Variants in SGMS1 observed in about 807,000 individuals in gnomAD.
SGMS1 encodes the protein phosphatidylcholine:ceramide cholinephosphotransferase 1.
SGMS1 carries 13 observed loss-of-function variants against 46.2 expected under a neutral mutation model. That is an observed-to-expected ratio of 0.28 (90% CI 0.18 to 0.45). The LOEUF is 0.45. Among genes scored for constraint, SGMS1 ranks in the 20% least tolerant of loss-of-function variants. The probability of loss-of-function intolerance (pLI) is 1.00; values close to 1 mark genes in which losing one functional copy is unlikely to be tolerated. For missense variants in SGMS1, 324 were observed against 519.9 expected (o/e 0.62, Z 3.66); for synonymous variants, 203 against 187.8 (o/e 1.08, Z -0.66).
intron 2 of SGMS1, among the ~76,000 whole-genome samples, chr10:50,564,284 A>G (rs923114125): frequency 2.0e-5 from 3 of 152,188 alleles, no homozygotes; most frequent in African/African-American, 7.2e-5. Context: ...GAATGGGCAG[A>G]GCGGGCTTCT....
At chr10:50,448,462 A>G (rs922653877) in intron 5 of SGMS1, among the ~76,000 whole-genome samples, 1 of 152,112 alleles carries the variant, frequency 6.6e-6, no homozygotes, top group Admixed American at 6.5e-5. Context: ...AATGAAAGAC[A>G]GGCCAGGCAC....
intron 2 of SGMS1, among the ~76,000 whole-genome samples, chr10:50,535,158 G>A (rs995121668): frequency 6.6e-6 from 1 of 151,918 alleles, no homozygotes; most frequent in Admixed American, 6.6e-5. Flanking sequence ...CTTGAACCTG[G>A]GAGGGAGAGG....
chr10:50,384,385 TTC>T (rs373499152), intron 6 of SGMS1, among the ~76,000 whole-genome samples: 12 of 148,674 alleles, frequency 8.1e-5, no homozygotes, highest in East Asian at 3.9e-4. Context: ...CTCTTTCTTT[TTC>T]TCTCTCTCTC....
intron 6 of SGMS1, among the ~76,000 whole-genome samples, chr10:50,383,445 A>G (rs1217459541): frequency 2.0e-5 from 3 of 152,184 alleles, no homozygotes; most frequent in Admixed American, 2.0e-4. Flanking sequence ...TTTTAATAAT[A>G]TAAAACAAAA....
At chr10:50,599,850 A>G (rs920977226) in intron 1 of SGMS1, among the ~76,000 whole-genome samples, 7 of 152,204 alleles carry the variant, frequency 4.6e-5, no homozygotes, top group Non-Finnish European at 1.5e-5. Context: ...GCGACAGACC[A>G]AGACTGTCTC....
intron 2 of SGMS1, among the ~76,000 whole-genome samples, chr10:50,549,635 C>T (rs1049022180): frequency 2.0e-5 from 3 of 152,102 alleles, no homozygotes; most frequent in African/African-American, 7.2e-5. Context: ...CAGCAAACCA[C>T]CATGGCACAC....
intron 1 of SGMS1, among the ~76,000 whole-genome samples, chr10:50,611,479 C>T (rs1838748781): frequency 6.6e-6 from 1 of 152,216 alleles, no homozygotes; most frequent in South Asian, 2.1e-4. Context: ...CTTGCCTTCC[C>T]AGTTCCTGTT....
intron 6 of SGMS1, among the ~76,000 whole-genome samples, chr10:50,392,486 C>A (rs1052666597): frequency 6.6e-6 from 1 of 152,142 alleles, no homozygotes; most frequent in Non-Finnish European, 1.5e-5. Context: ...AGCAGTGATA[C>A]CTCTGGGTTC....
intron 7 of SGMS1, chr10:50,341,584 A>C: frequency 5.4e-6 from 2 of 370,634 alleles, no homozygotes; most frequent in South Asian, 4.0e-5. Flanking sequence ...TGACAACAGA[A>C]ATCATCTAGA....
At chr10:50,583,481 C>T (rs1225513516) in intron 2 of SGMS1, among the ~76,000 whole-genome samples, 1 of 152,108 alleles carries the variant, frequency 6.6e-6, no homozygotes, top group Non-Finnish European at 1.5e-5. Context: ...TCTGGCTATC[C>T]AATAGGAATA....
At chr10:50,514,182 G>C (rs1837782393) in intron 3 of SGMS1, among the ~76,000 whole-genome samples, 1 of 152,164 alleles carries the variant, frequency 6.6e-6, no homozygotes, top group African/African-American at 2.4e-5. Flanking sequence ...AAATGATGCA[G>C]TCTGAATGAA....
Position 50,613,681 on chromosome 10 carries a change from C to T in SGMS1, c.-684+10026G>A, listed in dbSNP as rs181352176. Reference sequence around the variant, plus strand: ...CTAAACCAGTGTTCCTTCCCAAATACAACTTACTTGTATTGTTCACCTCCG... The same window carrying T: ...CTAAACCAGTGTTCCTTCCCAAATATAACTTACTTGTATTGTTCACCTCCG... On this transcript the variant is annotated intron_variant, in intron 1 of 10. Coordinates refer to ENST00000361781, the MANE Select transcript of SGMS1 (RefSeq NM_147156.4). Among the ~76,000 whole-genome samples, 47 of 152,322 alleles carry T rather than the reference C, an allele frequency of 3.1e-4. 1 individual carries two copies. The highest frequency in any genetic ancestry group is 2.5e-3 in the South Asian group (12 of 4,832).
At chr10:50,536,679 CAA>C (rs1386506919) in intron 2 of SGMS1, among the ~76,000 whole-genome samples, 3 of 152,164 alleles carry the variant, frequency 2.0e-5, no homozygotes, top group Non-Finnish European at 4.4e-5. Context: ...TCCATGTTTA[CAA>C]AGTTTCCTTA....
chr10:50,320,555 T>C (rs1358677559), intron 8 of SGMS1, among the ~76,000 whole-genome samples: 1 of 152,150 alleles, frequency 6.6e-6, no homozygotes, highest in African/African-American at 2.4e-5. Flanking sequence ...TGCTAAAACT[T>C]TTCCTGGCTT....
chr10:50,341,329 A>C, intron 7 of SGMS1: 1 of 455,876 alleles, frequency 2.2e-6, no homozygotes, highest in South Asian at 1.5e-5. Context: ...CACTGAAGAG[A>C]GGTCACAGGG....
chr10:50,373,221 T>C (rs2133450529), intron 6 of SGMS1, among the ~76,000 whole-genome samples: 1 of 152,348 alleles, frequency 6.6e-6, no homozygotes, highest in East Asian at 1.9e-4. Context: ...GTTCATTAAT[T>C]TGTATGAGCA....
At position 50,439,231 on chromosome 10, in the gene SGMS1, A is replaced by C. The variant is rs1009589298; in HGVS notation, c.-312-5675T>G. On this transcript the variant is annotated intron_variant, in intron 5 of 10. Transcript: ENST00000361781. ...ATATTCTTAAATTTTCTCAGCAAGC[A>C]CCTGTAGCTTTGACAAATCAAGTAA... 2.6e-5 allele frequency among the ~76,000 whole-genome samples: 4 copies of C among 152,172 alleles called. No individual in the cohort carries two copies. The East Asian group carries it at 7.7e-4, about 29-fold the overall frequency.
At chr10:50,558,938 G>C (rs1838210904) in intron 2 of SGMS1, among the ~76,000 whole-genome samples, 1 of 152,014 alleles carries the variant, frequency 6.6e-6, no homozygotes, top group South Asian at 2.1e-4. Flanking sequence ...TAGGCTATAA[G>C]TAGTTATGTT....
intron 6 of SGMS1, among the ~76,000 whole-genome samples, chr10:50,385,116 GATTAA>G (rs1848664516): frequency 6.6e-6 from 1 of 151,990 alleles, no homozygotes; most frequent in Non-Finnish European, 1.5e-5. Flanking sequence ...GTTTTCTCTT[GATTAA>G]ATTGAGGTTA....
Sources: allele counts gnomAD v4.1 joint callset (sites outside exome capture counted in the v4.1 genomes callset), GRCh38; gene constraint gnomAD v4.1.1; transcripts MANE v1.5; gene names NCBI Gene and HGNC (gene_info 2026-07-23, HGNC 2026-07-21).